The following RGS7 variants were observed in gnomAD, a reference collection of about 807,000 sequenced individuals.
RGS7 encodes the protein regulator of G-protein signaling 7.
A neutral mutation model predicts 81.1 loss-of-function variants in RGS7; 27 were observed. The ratio of observed to expected loss-of-function variants is 0.33; its 90% CI spans 0.25 to 0.46. The LOEUF (loss-of-function observed/expected upper bound fraction) is 0.46. RGS7 is among the 20% of genes least tolerant of loss of function. The pLI is 1.00. For missense variants in RGS7, 396 were observed against 607.4 expected (o/e 0.65, Z 3.66); for synonymous variants, 208 against 207.7 (o/e 1.00, Z -0.01).
intron 3 of RGS7, among the ~76,000 whole-genome samples, chr1:241,005,782 G>A (rs901792758): frequency 1.6e-4 from 24 of 152,168 alleles, no homozygotes; most frequent in East Asian, 3.9e-4. Flanking sequence ...TGATCCACCC[G>A]CCTTGGCCTC....
chr1:240,821,661 C>A (rs940377766), intron 10 of RGS7, among the ~76,000 whole-genome samples: 4 of 152,138 alleles, frequency 2.6e-5, no homozygotes, highest in Non-Finnish European at 5.9e-5. Context: ...ACAGCTAGAA[C>A]CACTGGATTA....
intron 9 of RGS7, among the ~76,000 whole-genome samples, chr1:240,842,934 G>A (rs893521407): frequency 1.5e-4 from 23 of 152,038 alleles, no homozygotes; most frequent in South Asian, 1.2e-3. Context: ...AGGCCTAGGC[G>A]GGTGGATCAC....
chr1:240,809,287 T>C (rs898964414), intron 14 of RGS7, among the ~76,000 whole-genome samples: 2 of 152,192 alleles, frequency 1.3e-5, no homozygotes, highest in Non-Finnish European at 2.9e-5. Flanking sequence ...CGAGAAACAG[T>C]GCTTCTTATT....
chr1:240,814,108 T>G (rs1558294019), intron 12 of RGS7, among the ~76,000 whole-genome samples: 1 of 152,120 alleles, frequency 6.6e-6, no homozygotes, highest in Non-Finnish European at 1.5e-5. Context: ...AAAAGGGAAA[T>G]TTTGTCAAAA....
At chr1:241,310,036 C>A (rs1392989214) in intron 2 of RGS7, among the ~76,000 whole-genome samples, 1 of 152,130 alleles carries the variant, frequency 6.6e-6, no homozygotes, top group Non-Finnish European at 1.5e-5. Context: ...CATTCCAGAG[C>A]AGGATAAGAA....
chr1:241,036,187 T>A (rs566185349), intron 3 of RGS7, among the ~76,000 whole-genome samples: 1 of 152,200 alleles, frequency 6.6e-6, no homozygotes. Flanking sequence ...AAGAGTTTAG[T>A]TACCTTCATC....
intron 4 of RGS7, among the ~76,000 whole-genome samples, chr1:240,971,897 G>T (rs1232859392): frequency 6.6e-6 from 1 of 152,084 alleles, no homozygotes; most frequent in Non-Finnish European, 1.5e-5. Context: ...GGTTTGTAAG[G>T]GTCTTAATGG....
At chr1:241,155,493 A>T (rs1288113867) in intron 2 of RGS7, among the ~76,000 whole-genome samples, 1 of 151,922 alleles carries the variant, frequency 6.6e-6, no homozygotes, top group Admixed American at 6.6e-5. Flanking sequence ...TTTTTTAGGG[A>T]TCAATGAAAG....
At chr1:241,129,157 T>C (rs1355029319) in intron 2 of RGS7, among the ~76,000 whole-genome samples, 2 of 151,900 alleles carry the variant, frequency 1.3e-5, no homozygotes, top group Non-Finnish European at 2.9e-5. Flanking sequence ...CTCCATGCTA[T>C]AAGTAACACT....
chr1:241,153,190 T>C (rs2068876378), intron 2 of RGS7, among the ~76,000 whole-genome samples: 1 of 152,220 alleles, frequency 6.6e-6, no homozygotes, highest in African/African-American at 2.4e-5. Flanking sequence ...AGAAATTAGA[T>C]GCATTTGTCA....
rs535515359 is a variant in RGS7 at position 240,903,185 on chromosome 1, C to A, written c.385+27532G>T. On this transcript the variant is annotated intron_variant, in intron 6 of 18. Transcript: ENST00000440928. ...ATCAGCTGTCAAAAAGAAGAGGAAACAAATATATCAAAGTAGGCCAGAAAA... is the reference window on the plus strand; with the variant it reads ...ATCAGCTGTCAAAAAGAAGAGGAAAAAAATATATCAAAGTAGGCCAGAAAA... 6.6e-5 allele frequency among the ~76,000 whole-genome samples: 10 copies of A among 152,206 alleles called. No homozygotes were observed. The Middle Eastern group carries it at 0.01, about 155-fold the overall frequency.
At chr1:241,113,485 T>G (rs2065672686) in intron 2 of RGS7, among the ~76,000 whole-genome samples, 1 of 152,148 alleles carries the variant, frequency 6.6e-6, no homozygotes, top group African/African-American at 2.4e-5. Context: ...TTTCTATAGC[T>G]GGAATAATGA....
intron 3 of RGS7, among the ~76,000 whole-genome samples, chr1:241,069,880 CTATTTTACTGGGTACCT>C (rs1049269883): frequency 2.0e-5 from 3 of 152,168 alleles, no homozygotes; most frequent in Non-Finnish European, 4.4e-5. Context: ...TGAATTCCTT[CTATTTTACTGGGTACCT>C]TATTTGATCA....
At chr1:240,876,242 C>T (rs762698545) in intron 6 of RGS7, among the ~76,000 whole-genome samples, 33 of 152,146 alleles carry the variant, frequency 2.2e-4, no homozygotes, top group African/African-American at 7.2e-4. Context: ...TCATCTAGCA[C>T]TCTCAGCAGC....
At chr1:240,981,669 C>A (rs1194103600) in intron 4 of RGS7, among the ~76,000 whole-genome samples, 1 of 152,130 alleles carries the variant, frequency 6.6e-6, no homozygotes, top group Non-Finnish European at 1.5e-5. Flanking sequence ...ATGATGCTGG[C>A]AATAGCTGCT....
chr1:241,231,567 C>G (rs2075665297), intron 2 of RGS7, among the ~76,000 whole-genome samples: 1 of 152,120 alleles, frequency 6.6e-6, no homozygotes, highest in Non-Finnish European at 1.5e-5. Context: ...CCATGTTGGG[C>G]AGGCTGGTCT....
At chr1:241,159,097 G>A (rs182967295) in intron 2 of RGS7, among the ~76,000 whole-genome samples, 121 of 152,152 alleles carry the variant, frequency 8.0e-4, no homozygotes, top group Non-Finnish European at 1.3e-3. Context: ...GTTCACAAAG[G>A]AATAATAAAT....
At chr1:240,872,117 G>C (rs1407490178) in intron 6 of RGS7, among the ~76,000 whole-genome samples, 1 of 151,976 alleles carries the variant, frequency 6.6e-6, no homozygotes, top group African/African-American at 2.4e-5. Context: ...TAATTCTCTA[G>C]GGAAAAAAAT....
intron 2 of RGS7, among the ~76,000 whole-genome samples, chr1:241,333,800 T>C (rs950295988): frequency 1.3e-5 from 2 of 152,082 alleles, no homozygotes; most frequent in Non-Finnish European, 2.9e-5. Context: ...AATTTTTAGC[T>C]TTAGATATCT....
Sources: allele counts gnomAD v4.1 joint callset (sites outside exome capture counted in the v4.1 genomes callset), GRCh38; gene constraint gnomAD v4.1.1; transcripts MANE v1.5; gene names NCBI Gene and HGNC (gene_info 2026-07-23, HGNC 2026-07-21).